NLGN4X: variants seen among roughly 807,000 people sequenced by gnomAD.
NLGN4X encodes neuroligin-4, X-linked.
NLGN4X carries 3 observed loss-of-function variants against 40.3 expected under a neutral mutation model. The ratio of observed to expected loss-of-function variants is 0.07; its 90% confidence interval spans 0.03 to 0.19. NLGN4X has a LOEUF of 0.19. NLGN4X is among the 10% of genes least tolerant of loss of function. The probability of loss-of-function intolerance (pLI) is 1.00; values close to 1 mark genes in which losing one functional copy is unlikely to be tolerated. For synonymous variants in NLGN4X, 270 were observed against 306.8 expected (o/e 0.88, Z 1.25); for missense variants, 382 against 708.3 (o/e 0.54, Z 5.23).
At chrX:5,993,911 A>G (rs1295601691) in intron 3 of NLGN4X, among the ~76,000 whole-genome samples, 3 of 111,851 alleles carry the variant, frequency 2.7e-5, no homozygotes, top group Non-Finnish European at 5.6e-5. Flanking sequence ...GGAACTTGCC[A>G]CAGAAACCCT....
rs748471112 is a variant in NLGN4X, at chrX:5,969,901, T to C, written c.625+59379A>G. Among the ~76,000 whole-genome samples the C allele has an allele frequency of 3.7e-5, 4 of 108,625 alleles. No homozygotes were observed. In the East Asian group the frequency reaches 1.2e-3, roughly 32 times the overall value. 94.3% of individuals were successfully genotyped at this position (108,625 alleles called of 115,157 possible). ...ACATGGATGAAGCTGGAAACCATCA[T>C]TCTCAGCAAACTATCACAAGGAAAA... On this transcript the variant is annotated intron_variant, in intron 3 of 5. Coordinates refer to ENST00000381095, the MANE Select transcript of NLGN4X (RefSeq NM_181332.3).
chrX:5,920,245 T>G (rs745869463), intron 3 of NLGN4X, among the ~76,000 whole-genome samples: 1 of 112,350 alleles, frequency 8.9e-6, no homozygotes, highest in Non-Finnish European at 1.9e-5. Flanking sequence ...TGACTCATAA[T>G]TAGCAAGGAA....
chrX:5,945,299 G>C (rs1921510), intron 3 of NLGN4X, among the ~76,000 whole-genome samples: 2 of 110,693 alleles, frequency 1.8e-5, no homozygotes, highest in African/African-American at 6.5e-5. Flanking sequence ...ACCATGCTCA[G>C]GAAGCACTGA....
chrX:6,198,091 G>A (rs1792552887), intron 1 of NLGN4X, among the ~76,000 whole-genome samples: 1 of 110,179 alleles, frequency 9.1e-6, no homozygotes, highest in Admixed American at 9.7e-5. Context: ...AGCATTTATG[G>A]AACATTCATA....
chrX:5,989,565 G>A (rs760462404), intron 3 of NLGN4X, among the ~76,000 whole-genome samples: 5 of 112,497 alleles, frequency 4.4e-5, no homozygotes, highest in Non-Finnish European at 7.5e-5. Flanking sequence ...AATACGCATT[G>A]CTAAACTTTT....
At chrX:6,055,476 G>A (rs1259263073) in intron 2 of NLGN4X, among the ~76,000 whole-genome samples, 1 of 111,641 alleles carries the variant, frequency 9.0e-6, no homozygotes, top group Non-Finnish European at 1.9e-5. Context: ...GCAAGACACT[G>A]AGAACTACTA....
intron 1 of NLGN4X, among the ~76,000 whole-genome samples, chrX:6,171,563 C>A (rs933837644): frequency 8.9e-6 from 1 of 112,020 alleles, no homozygotes; most frequent in Non-Finnish European, 1.9e-5. Context: ...AAAGGGTGCA[C>A]AAAAGGTAAA....
chrX:5,962,199 A>G, intron 3 of NLGN4X, among the ~76,000 whole-genome samples: 1 of 112,487 alleles, frequency 8.9e-6, no homozygotes. Flanking sequence ...GTATGTTTCC[A>G]TAAAAAGGGC....
intron 3 of NLGN4X, among the ~76,000 whole-genome samples, chrX:5,974,181 G>A (rs755260432): frequency 2.7e-5 from 3 of 112,123 alleles, no homozygotes; most frequent in African/African-American, 6.5e-5. Flanking sequence ...ATGGTCAAAT[G>A]GTGTCCCTGT....
chrX:6,219,556 CTTTCTTTCTTTCTTT>C (rs1925458733), intron 1 of NLGN4X, among the ~76,000 whole-genome samples: 3 of 31,466 alleles, frequency 9.5e-5, no homozygotes, highest in African/African-American at 1.7e-4. Flanking sequence ...TTCTTTCTTT[CTTTCTTTCTTTCTTT>C]CTTCCTTCCT....
chrX:6,053,165 T>C (rs2037534748), intron 2 of NLGN4X, among the ~76,000 whole-genome samples: 1 of 112,019 alleles, frequency 8.9e-6, no homozygotes, highest in Admixed American at 9.5e-5. Context: ...GTCTGCCAAG[T>C]CTGACTTTGC....
At chrX:6,070,614 G>A (rs1020158579) in intron 2 of NLGN4X, among the ~76,000 whole-genome samples, 6 of 111,689 alleles carry the variant, frequency 5.4e-5, no homozygotes, top group African/African-American at 1.6e-4. Context: ...CTAGCTGGCC[G>A]TGATGGCATG....
At chrX:6,169,366 A>T (rs1209496177) in intron 1 of NLGN4X, among the ~76,000 whole-genome samples, 2 of 113,217 alleles carry the variant, frequency 1.8e-5, no homozygotes, top group African/African-American at 6.4e-5. Flanking sequence ...CAGAAGGTAC[A>T]TTGAAGAAAT....
chrX:6,027,822 AT>A (rs35042993), intron 3 of NLGN4X, among the ~76,000 whole-genome samples: 5,319 of 99,265 alleles, frequency 0.054, 130 homozygotes, highest in Non-Finnish European at 0.081. Flanking sequence ...TATTATTATT[AT>A]TTTTTTTTTT....
At chrX:6,101,640 A>G (rs145148063) in intron 2 of NLGN4X, among the ~76,000 whole-genome samples, 4,861 of 110,354 alleles carry the variant, frequency 0.044, 239 homozygotes, top group African/African-American at 0.14. Context: ...ATGTGCATAG[A>G]GAGTCAAAAA....
intron 2 of NLGN4X, among the ~76,000 whole-genome samples, chrX:6,029,864 G>A (rs899084603): frequency 9.0e-5 from 10 of 111,252 alleles, no homozygotes; most frequent in African/African-American, 3.3e-4. Context: ...TAATATAGTT[G>A]CATCTTAATT....
chrX:6,015,438 T>A (rs934197342), intron 3 of NLGN4X, among the ~76,000 whole-genome samples: 1 of 111,514 alleles, frequency 9.0e-6, no homozygotes, highest in African/African-American at 3.3e-5. Context: ...ATTACTAGTA[T>A]TTTTTTAAAT....
intron 3 of NLGN4X, among the ~76,000 whole-genome samples, chrX:6,003,839 G>A (rs902424542): frequency 2.7e-5 from 3 of 111,687 alleles, no homozygotes; most frequent in Non-Finnish European, 5.7e-5. Flanking sequence ...CACTTCCTCT[G>A]GGTCTTCAGG....
chrX:6,117,609 C>T (rs533059570), intron 2 of NLGN4X, among the ~76,000 whole-genome samples: 1 of 111,345 alleles, frequency 9.0e-6, no homozygotes, highest in Admixed American at 9.6e-5. Flanking sequence ...AAACAAATGG[C>T]CTATACCTCT....
Sources: allele counts gnomAD v4.1 joint callset (sites outside exome capture counted in the v4.1 genomes callset), GRCh38; gene constraint gnomAD v4.1.1; transcripts MANE v1.5; gene names NCBI Gene and HGNC (gene_info 2026-07-23, HGNC 2026-07-21).